The following ADAMTS17 variants were observed in gnomAD, a reference collection of about 807,000 sequenced individuals.
ADAMTS17 encodes A disintegrin and metalloproteinase with thrombospondin motifs 17.
ADAMTS17 carries 113 observed loss-of-function variants against 141.5 expected under a neutral mutation model. The observed-to-expected ratio is 0.80, with a 90% CI of 0.69 to 0.93. The LOEUF (loss-of-function observed/expected upper bound fraction) is 0.93, where lower values mean the gene tolerates loss of function less well. ADAMTS17 is among the 40% of genes least tolerant of loss of function. ADAMTS17 has a pLI of 0.00. For missense variants in ADAMTS17, 1,659 were observed against 1,517.9 expected (o/e 1.09, Z -1.54); for synonymous variants, 768 against 630.6 (o/e 1.22, Z -3.27).
chr15:100,165,292 G>C (rs1445075178), intron 8 of ADAMTS17, among the ~76,000 whole-genome samples: 1 of 152,176 alleles, frequency 6.6e-6, no homozygotes, highest in Non-Finnish European at 1.5e-5. Flanking sequence ...CACAGGACTG[G>C]GATCAATCAA....
chr15:100,263,248 C>A (rs905151023), intron 4 of ADAMTS17, among the ~76,000 whole-genome samples: 137 of 152,236 alleles, frequency 9.0e-4, no homozygotes, highest in African/African-American at 3.1e-3. Context: ...CCCACCAAGG[C>A]TGGCATCTCC....
intron 4 of ADAMTS17, among the ~76,000 whole-genome samples, chr15:100,280,365 C>T (rs144557392): frequency 1.3e-5 from 2 of 152,244 alleles, no homozygotes; most frequent in East Asian, 3.9e-4. Flanking sequence ...CCTTTTACCC[C>T]AGGCCCTCCT....
In ADAMTS17 at chr15:99,974,367, G is replaced by A. The variant is rs773998391; in HGVS notation, c.*35C>T. The stretch of plus-strand genomic sequence containing the variant: ...TTGCGGGTGGGTGGGTTTCAGACCT[G>A]AGTCTGAGCTTTGAGCGACCCTTGG... On this transcript the variant is annotated 3_prime_UTR_variant, in exon 22 of 22. Transcript: ENST00000268070. 6.2e-7 allele frequency: 1 copy of A among 1,613,556 alleles called. No homozygotes were observed. The highest frequency in any genetic ancestry group is 8.5e-7 in the Non-Finnish European group (1 of 1,179,986).
intron 2 of ADAMTS17, among the ~76,000 whole-genome samples, chr15:100,332,965 T>C (rs957183185): frequency 6.6e-6 from 1 of 152,098 alleles, no homozygotes; most frequent in South Asian, 2.1e-4. Context: ...TGCCTCCTCC[T>C]CCCTCACTGT....
At chr15:100,144,559 A>C (rs904175808) in intron 10 of ADAMTS17, among the ~76,000 whole-genome samples, 3 of 152,060 alleles carry the variant, frequency 2.0e-5, no homozygotes, top group Non-Finnish European at 4.4e-5. Flanking sequence ...CGAAAAAAAA[A>C]AAATCTGTGA....
chr15:100,334,443 G>C (rs987092273), intron 2 of ADAMTS17, among the ~76,000 whole-genome samples: 1 of 152,186 alleles, frequency 6.6e-6, no homozygotes, highest in East Asian at 1.9e-4. Flanking sequence ...GATGGGTTGA[G>C]AGGATAGGGC....
chr15:100,226,181 C>T (rs1297021046), intron 7 of ADAMTS17, among the ~76,000 whole-genome samples: 1 of 152,244 alleles, frequency 6.6e-6, no homozygotes, highest in Non-Finnish European at 1.5e-5. Context: ...GGCCTCTGTG[C>T]CATTCCGTCC....
At chr15:100,120,051 T>C (rs1468217414) in intron 12 of ADAMTS17, among the ~76,000 whole-genome samples, 1 of 152,024 alleles carries the variant, frequency 6.6e-6, no homozygotes, top group Non-Finnish European at 1.5e-5. Context: ...CACAGGAGGG[T>C]CTCCAATAAG....
chr15:100,248,498 TC>T (rs1408408663), intron 7 of ADAMTS17, among the ~76,000 whole-genome samples: 1 of 152,068 alleles, frequency 6.6e-6, no homozygotes, highest in Non-Finnish European at 1.5e-5. Flanking sequence ...TCTTGTCACC[TC>T]CCTCTTCTCA....
chr15:100,334,088 G>T (rs149315169), intron 2 of ADAMTS17, among the ~76,000 whole-genome samples: 2 of 152,142 alleles, frequency 1.3e-5, no homozygotes, highest in Non-Finnish European at 2.9e-5. Flanking sequence ...TTTGTTGTGG[G>T]TACTTGCTTT....
chr15:100,053,050 GGAA>G (rs111522427), intron 16 of ADAMTS17, among the ~76,000 whole-genome samples: 1 of 152,170 alleles, frequency 6.6e-6, no homozygotes, highest in Non-Finnish European at 1.5e-5. Flanking sequence ...AAATTAACGG[GGAA>G]GAAGAACTTC....
In ADAMTS17 at chr15:99,992,165, T is replaced by C. The variant is rs1204669288; in HGVS notation, c.2949+883A>G. The stretch of plus-strand genomic sequence containing the variant: ...GTAACAAACCTGCACTTTCTGCACA[T>C]GTACCTCAGAACTTAAAAAAAAAAT... On this transcript the variant is annotated intron_variant, in intron 20 of 21. Coordinates refer to ENST00000268070, the MANE Select transcript of ADAMTS17 (RefSeq NM_139057.4). Among the ~76,000 whole-genome samples, 3 of 150,978 alleles carry C rather than the reference T, an allele frequency of 2.0e-5. No individual in the cohort carries two copies. The East Asian group carries it at 5.8e-4, about 29-fold the overall frequency.
intron 8 of ADAMTS17, among the ~76,000 whole-genome samples, chr15:100,193,459 C>A (rs1191649962): frequency 6.6e-6 from 1 of 152,184 alleles, no homozygotes; most frequent in East Asian, 1.9e-4. Context: ...CTCCCCAGCA[C>A]TGGGGCCTTG....
chr15:100,035,286 T>C (rs2030596230), intron 18 of ADAMTS17, among the ~76,000 whole-genome samples: 2 of 152,224 alleles, frequency 1.3e-5, no homozygotes, highest in Non-Finnish European at 2.9e-5. Flanking sequence ...AGGTCTCAAA[T>C]GGTTTCTTAG....
chr15:100,107,652 C>T (rs1475522692), intron 14 of ADAMTS17, among the ~76,000 whole-genome samples: 1 of 151,988 alleles, frequency 6.6e-6, no homozygotes, highest in Non-Finnish European at 1.5e-5. Flanking sequence ...GGATCAGGGC[C>T]CCCATAAAAG....
chr15:100,264,274 A>C (rs1471732001), intron 4 of ADAMTS17, among the ~76,000 whole-genome samples: 1 of 152,004 alleles, frequency 6.6e-6, no homozygotes, highest in African/African-American at 2.4e-5. Context: ...GAGGCACCCA[A>C]CTTGTTCCTG....
chr15:100,250,350 T>A (rs535465828), intron 7 of ADAMTS17, among the ~76,000 whole-genome samples: 3 of 152,202 alleles, frequency 2.0e-5, no homozygotes, highest in African/African-American at 4.8e-5. Flanking sequence ...AGACACAGCA[T>A]CTCACGCTCG....
chr15:100,068,837 A>G (rs1451170732), intron 15 of ADAMTS17, among the ~76,000 whole-genome samples: 1 of 152,260 alleles, frequency 6.6e-6, no homozygotes, highest in African/African-American at 2.4e-5. Flanking sequence ...TCTAAAAATC[A>G]GAGCACCTCT....
intron 8 of ADAMTS17, among the ~76,000 whole-genome samples, chr15:100,164,735 C>T (rs1277236401): frequency 1.3e-5 from 2 of 152,156 alleles, no homozygotes; most frequent in South Asian, 2.1e-4. Flanking sequence ...CGCCTTTATT[C>T]CCGTTCTTTC....
Sources: gnomAD v4.1 joint callset for allele counts (sites outside exome capture counted in the v4.1 genomes callset) on GRCh38, gnomAD v4.1.1 for gene constraint, MANE v1.5 for transcripts, NCBI Gene and HGNC (gene_info 2026-07-23, HGNC 2026-07-21) for gene names.